The following PDZD2 variants were observed in gnomAD, a reference collection of about 807,000 sequenced individuals.
PDZD2 encodes PDZ domain containing 2.
Under a neutral mutation model 220.7 loss-of-function variants are expected in PDZD2, and 90 were observed. That is an observed-to-expected ratio of 0.41 (90% CI 0.34 to 0.49). The LOEUF (loss-of-function observed/expected upper bound fraction) is 0.49. Among genes scored for constraint, PDZD2 ranks in the 20% least tolerant of loss-of-function variants. The pLI is 0.28. For synonymous variants in PDZD2, 1,375 were observed against 1,450.5 expected, an observed-to-expected ratio of 0.95 and a Z score of 1.18; for missense variants, 3,174 against 3,608.5, an observed-to-expected ratio of 0.88 and a Z score of 3.08.
At chr5:32,015,543 CGCCTG>C (rs1753723494) in intron 6 of PDZD2, among the ~76,000 whole-genome samples, 1 of 152,174 alleles carries the variant, frequency 6.6e-6, no homozygotes, top group Non-Finnish European at 1.5e-5. Flanking sequence ...TGAGCCACCT[CGCCTG>C]GCCATGCAGT....
At chr5:31,750,467 C>T (rs1366842053) in intron 1 of PDZD2, among the ~76,000 whole-genome samples, 1 of 152,190 alleles carries the variant, frequency 6.6e-6, no homozygotes, top group East Asian at 1.9e-4. Flanking sequence ...CAAACAGGAA[C>T]CCTGTCCCCG....
Position 31,699,304 on chromosome 5 carries a change from G to A in PDZD2, c.-361+59867G>A, listed in dbSNP as rs553958278. ...GGGTGGGCTAAGGAATGGCTTCCCA[G>A]AGGAAGGAATTTTTGAGCTGAATGT... On this transcript the variant is annotated intron_variant, in intron 1 of 24. Transcript: ENST00000438447. 5.3e-5 allele frequency among the ~76,000 whole-genome samples: 8 copies of A among 152,298 alleles called. 1 individual carries two copies. The South Asian group carries it at 1.5e-3, about 28-fold the overall frequency.
chr5:31,730,337 G>A (rs1306792197), intron 1 of PDZD2, among the ~76,000 whole-genome samples: 1 of 152,136 alleles, frequency 6.6e-6, no homozygotes, highest in Non-Finnish European at 1.5e-5. Flanking sequence ...AACAGTACTT[G>A]AGTCAGTATT....
At chr5:32,007,937 TA>T (rs35747197) in intron 5 of PDZD2, among the ~76,000 whole-genome samples, 33,083 of 151,914 alleles carry the variant, frequency 0.22, 3,703 homozygotes, top group Admixed American at 0.26. Flanking sequence ...ACTCTAGCCT[TA>T]ACCTGTACAT....
At chr5:31,695,457 A>G (rs1747340216) in intron 1 of PDZD2, among the ~76,000 whole-genome samples, 1 of 152,248 alleles carries the variant, frequency 6.6e-6, no homozygotes, top group Admixed American at 6.5e-5. Flanking sequence ...AGTTTCACTT[A>G]CTTCAGTGTA....
At chr5:31,945,318 C>G (rs1173476673) in intron 2 of PDZD2, among the ~76,000 whole-genome samples, 2 of 152,202 alleles carry the variant, frequency 1.3e-5, no homozygotes, top group East Asian at 3.8e-4. Context: ...TGGAAACTGA[C>G]TCATGCTAAT....
intron 2 of PDZD2, among the ~76,000 whole-genome samples, chr5:31,892,371 A>G (rs1561547069): frequency 6.6e-6 from 1 of 152,236 alleles, no homozygotes; most frequent in Non-Finnish European, 1.5e-5. Context: ...AGATGTATTT[A>G]CTGTTTACTG....
At chr5:31,717,390 T>C (rs1748517400) in intron 1 of PDZD2, among the ~76,000 whole-genome samples, 1 of 152,188 alleles carries the variant, frequency 6.6e-6, no homozygotes, top group South Asian at 2.1e-4. Flanking sequence ...TACATATATT[T>C]ATTATAACAC....
chr5:31,712,292 G>T (rs1273484682), intron 1 of PDZD2, among the ~76,000 whole-genome samples: 2 of 152,148 alleles, frequency 1.3e-5, no homozygotes, highest in Non-Finnish European at 2.9e-5. Context: ...GGGAGAATTT[G>T]GTGGGGCAGT....
intron 2 of PDZD2, 23 bp from the exon 3 acceptor site, chr5:31,983,132 T>A: frequency 6.2e-7 from 1 of 1,600,410 alleles, no homozygotes; most frequent in Non-Finnish European, 8.5e-7. Flanking sequence ...GGGTTCTAAC[T>A]GGCACCTCTC....
At chr5:31,829,307 C>A (rs932529703) in intron 2 of PDZD2, among the ~76,000 whole-genome samples, 1 of 150,670 alleles carries the variant, frequency 6.6e-6, no homozygotes, top group Non-Finnish European at 1.5e-5. Flanking sequence ...CGTAAAGGCA[C>A]ATATCAAAAG....
At chr5:31,906,010 A>ACTTATT (rs1554003790) in intron 2 of PDZD2, among the ~76,000 whole-genome samples, 3 of 148,446 alleles carry the variant, frequency 2.0e-5, no homozygotes, top group African/African-American at 7.4e-5. Context: ...TTTTATTTTT[A>ACTTATT]TTTATTTTTA....
chr5:31,694,402 C>CAAAAAAAAA (rs1554063832), intron 1 of PDZD2, among the ~76,000 whole-genome samples: 1 of 151,510 alleles, frequency 6.6e-6, no homozygotes, highest in African/African-American at 2.4e-5. Context: ...AAAAAACAAA[C>CAAAAAAAAA]AAAAAAACAA....
rs953861866 is a variant in PDZD2, at chr5:31,880,806, T to C, written c.476+81082T>C. Among the ~76,000 whole-genome samples, 7 of 133,072 alleles carry C rather than the reference T, an allele frequency of 5.3e-5. No individual in the cohort carries two copies. The East Asian group carries it at 6.4e-4, about 12-fold the overall frequency. The allele number at this position is 133,072 out of a possible 152,430, so 87.3% of individuals were successfully genotyped here. On this transcript the variant is annotated intron_variant, in intron 2 of 24. Transcript: ENST00000438447. ...TTTTTTTTTTCTTTTTTTTTTTTTT[T>C]TTTTTTTTTTTTGAGATGAAGTCTC...
chr5:31,682,616 CTG>C (rs1478902082), intron 1 of PDZD2, among the ~76,000 whole-genome samples: 1 of 152,000 alleles, frequency 6.6e-6, no homozygotes, highest in East Asian at 1.9e-4. Context: ...TAATTGAACT[CTG>C]TTAATTTTCT....
In PDZD2 at chr5:32,089,031, G is replaced by C; in HGVS notation, c.5583G>C (p.Lys1861Asn). The C allele has an allele frequency of 1.2e-6, 2 of 1,613,952 alleles. No homozygotes were observed. ...AGCCGAAAACAAACCTGGAAAATAA[G>C]GACCTGTCTAAGAAGAGTCCGGCAG... Reference protein sequence around the residue: ...PPQPKTNLENKDLSKKSPAEM... With the variant: ...PPQPKTNLENNDLSKKSPAEM... Residue 1861 changes from lysine to asparagine, a missense_variant, in exon 20 of 25, where the codon AAG becomes AAC. Physicochemically the swap from Lys to Asn is moderately conservative, Grantham distance 94. Coordinates refer to ENST00000438447, the MANE Select transcript of PDZD2 (RefSeq NM_178140.4).
chr5:31,921,426 G>A (rs574875802), intron 2 of PDZD2, among the ~76,000 whole-genome samples: 81 of 152,250 alleles, frequency 5.3e-4, no homozygotes, highest in African/African-American at 1.9e-3. Context: ...GCTCACGCCT[G>A]TAATCCCAGC....
intron 2 of PDZD2, among the ~76,000 whole-genome samples, chr5:31,917,008 A>G (rs1341486305): frequency 6.6e-6 from 1 of 152,184 alleles, no homozygotes; most frequent in Admixed American, 6.5e-5. Context: ...GAGGTTGATG[A>G]GGGACAGGCA....
intron 1 of PDZD2, among the ~76,000 whole-genome samples, chr5:31,641,888 C>G (rs921642844): frequency 6.6e-6 from 1 of 152,010 alleles, no homozygotes; most frequent in Non-Finnish European, 1.5e-5. Flanking sequence ...CCAGATAAGG[C>G]CTGGAACAGT....
Sources: gnomAD v4.1 joint callset for allele counts (sites outside exome capture counted in the v4.1 genomes callset) on GRCh38, gnomAD v4.1.1 for gene constraint, MANE v1.5 for transcripts, NCBI Gene and HGNC (gene_info 2026-07-23, HGNC 2026-07-21) for gene names.